Variants in CA12 observed in about 807,000 individuals in gnomAD.
CA12 encodes carbonate dehydratase XII.
A neutral mutation model predicts 46.8 loss-of-function variants in CA12; 36 were observed. The ratio of observed to expected loss-of-function variants is 0.77; its 90% CI spans 0.59 to 1.02. The LOEUF (loss-of-function observed/expected upper bound fraction) is 1.02. Among genes scored for constraint, CA12 ranks in the 50% least tolerant of loss-of-function variants. The pLI, the probability that CA12 is intolerant of heterozygous loss-of-function variation, is 0.00. For missense variants in CA12, 436 were observed against 451.4 expected, an observed-to-expected ratio of 0.97 and a Z score of 0.31; for synonymous variants, 202 against 187.0, an observed-to-expected ratio of 1.08 and a Z score of -0.65.
intron 4 of CA12, among the ~76,000 whole-genome samples, chr15:63,344,839 G>A (rs140187743): frequency 3.9e-5 from 6 of 152,130 alleles, no homozygotes; most frequent in East Asian, 1.9e-4. Flanking sequence ...TGCTCTGCCC[G>A]TCTTCTAATT....
At chr15:63,336,238 T>C (rs2152613390) in intron 8 of CA12, among the ~76,000 whole-genome samples, 1 of 152,296 alleles carries the variant, frequency 6.6e-6, no homozygotes, top group South Asian at 2.1e-4. Flanking sequence ...CTATCCAGAC[T>C]GGGAGAATCT....
intron 2 of CA12, among the ~76,000 whole-genome samples, chr15:63,363,227 G>C (rs1355437435): frequency 6.6e-6 from 1 of 152,100 alleles, no homozygotes; most frequent in East Asian, 1.9e-4. Context: ...TTTCCTACAT[G>C]TCTCCTTTTA....
At chr15:63,361,779 G>T (rs1049981643) in intron 2 of CA12, among the ~76,000 whole-genome samples, 7 of 152,104 alleles carry the variant, frequency 4.6e-5, no homozygotes, top group African/African-American at 1.7e-4. Flanking sequence ...ACAGCATGAT[G>T]GCAGCACCTC....
chr15:63,326,443 G>A (rs757924504), intron 10 of CA12, 86 bp from the exon 11 acceptor site: 62 of 1,050,610 alleles, frequency 5.9e-5, no homozygotes, highest in Admixed American at 2.2e-4. Flanking sequence ...GAATGAGGCC[G>A]TTTTTAAAAG....
chr15:63,338,387 G>A (rs1290224765), intron 8 of CA12, among the ~76,000 whole-genome samples: 1 of 152,200 alleles, frequency 6.6e-6, no homozygotes, highest in African/African-American at 2.4e-5. Flanking sequence ...GGTGGTGCAT[G>A]AATCACCTGG....
rs747884567 is a variant in CA12, at chr15:63,328,115, G to T, written c.890C>A (p.Ala297Glu). 3 of 1,613,934 alleles carry T rather than the reference G, an allele frequency of 1.9e-6. No individual in the cohort carries two copies. The highest frequency in any genetic ancestry group is 1.7e-6 in the Non-Finnish European group (2 of 1,179,860). ...TSFSQVQVCT[A>E]AGLSLGIILS... is the part of the protein sequence containing the mutation. ...CCACATACCCAGACTCAGTCCTGCCGCAGTACAGACTTGCACTTAAAAGGG... is the reference window on the plus strand; with the variant it reads ...CCACATACCCAGACTCAGTCCTGCCTCAGTACAGACTTGCACTTAAAAGGG... The change falls in exon 9 of 11, where the codon GCG becomes GAG. Residue 297 changes from alanine (A) to glutamate (E), a missense_variant. Transcript: ENST00000178638. The surrounding 1 kb of genome is among the most constrained non-coding windows in gnomAD (Gnocchi z 5.9).
chr15:63,357,394 A>G (rs1002481099), intron 2 of CA12, among the ~76,000 whole-genome samples: 1 of 152,194 alleles, frequency 6.6e-6, no homozygotes, highest in African/African-American at 2.4e-5. Flanking sequence ...GCCCAGAGCC[A>G]TATTTCTCAA....
chr15:63,347,836 G>A (rs1326788367), intron 2 of CA12, among the ~76,000 whole-genome samples: 1 of 152,094 alleles, frequency 6.6e-6, no homozygotes, highest in Non-Finnish European at 1.5e-5. Flanking sequence ...TTGCCATCTG[G>A]GGGTCCGTTC....
intron 4 of CA12, among the ~76,000 whole-genome samples, chr15:63,344,779 A>G (rs2039124212): frequency 6.6e-6 from 1 of 152,166 alleles, no homozygotes. Context: ...AAAATGGAGC[A>G]TCTCAACCCC....
At position 63,348,430 on chromosome 15, in the gene CA12, A is replaced by G. The variant is rs866467281; in HGVS notation, c.107-1721T>C. Among the ~76,000 whole-genome samples, 2 of 152,316 alleles carry G rather than the reference A, an allele frequency of 1.3e-5. No individual in the cohort carries two copies. The highest frequency in any genetic ancestry group is 6.8e-3 in the Middle Eastern group (2 of 294). ...AGCTGGGGGCCAAACCGAATGCTTT[A>G]GGGGCAGCGGGGAGCAGAATGAAGC... On this transcript the variant is annotated intron_variant, in intron 2 of 10. Transcript: ENST00000178638. This position sits in a 1 kb window ranked among gnomAD's most constrained non-coding sequence, Gnocchi z 4.6.
At chr15:63,346,425 C>CA in intron 3 of CA12, 105 bp downstream of exon 3, 2 of 906,470 alleles carry the variant, frequency 2.2e-6, no homozygotes, top group Non-Finnish European at 3.5e-6. Flanking sequence ...ACCCCTCCTC[C>CA]TGGATGCTTC....
intron 2 of CA12, among the ~76,000 whole-genome samples, chr15:63,352,019 TG>T (rs2039238982): frequency 6.6e-6 from 1 of 152,152 alleles, no homozygotes; most frequent in Non-Finnish European, 1.5e-5. Flanking sequence ...GTGGTGGTTA[TG>T]GTAAGGTGAG....
At chr15:63,380,299 G>C (rs2039629089) in intron 1 of CA12, among the ~76,000 whole-genome samples, 1 of 152,056 alleles carries the variant, frequency 6.6e-6, no homozygotes, top group Non-Finnish European at 1.5e-5. Flanking sequence ...GGGAAAGTAG[G>C]GAAGAAAGGA....
chr15:63,353,395 G>A (rs2039258150), intron 2 of CA12, among the ~76,000 whole-genome samples: 1 of 152,210 alleles, frequency 6.6e-6, no homozygotes. Context: ...GTATATTCTA[G>A]GGATGTGTGA....
intron 2 of CA12, among the ~76,000 whole-genome samples, chr15:63,357,315 G>A (rs1416457934): frequency 6.6e-6 from 1 of 152,174 alleles, no homozygotes; most frequent in Non-Finnish European, 1.5e-5. Context: ...CCTAGCATCT[G>A]CATTTCTAAC....
At chr15:63,360,102 A>G (rs2039342573) in intron 2 of CA12, among the ~76,000 whole-genome samples, 1 of 152,216 alleles carries the variant, frequency 6.6e-6, no homozygotes, top group Admixed American at 6.5e-5. Flanking sequence ...AGTTTCATGG[A>G]TATCGGCAGA....
intron 4 of CA12, among the ~76,000 whole-genome samples, chr15:63,343,279 C>CTTTTTT (rs35290345): frequency 0.03 from 2,973 of 98,622 alleles, 179 homozygotes; most frequent in Non-Finnish European, 0.039. Flanking sequence ...TAGAAAGAAT[C>CTTTTTT]TTTTTTTTTT....
chr15:63,346,635 G>A lies in CA12; in HGVS notation c.181C>T (p.His61Tyr), dbSNP rs2039153413. ...GCGTCATACTGGAGGATGTCACTGT[G>A]CAGGTCTATGGGGGACTGCAGCAGG... ...GGLLQSPIDL[H>Y]SDILQYDASL... The change falls in exon 3 of 11, where the codon CAC (histidine) becomes TAC (tyrosine). Residue 61 changes from histidine (H) to tyrosine (Y), a missense_variant. Transcript: ENST00000178638. The A allele has an allele frequency of 6.2e-7, 1 of 1,613,408 alleles. No individual in the cohort carries two copies. The highest frequency in any genetic ancestry group is 1.1e-5 in the South Asian group (1 of 91,034).
Position 63,378,606 on chromosome 15 carries a change from A to G in CA12, c.86-2928T>C, listed in dbSNP as rs892288121. On this transcript the variant is annotated intron_variant, in intron 1 of 10. Coordinates refer to ENST00000178638, the MANE Select transcript of CA12 (RefSeq NM_001218.5). The surrounding 1 kb of genome is among the most constrained non-coding windows in gnomAD (Gnocchi z 4.8). ...TGCTCACCCCTTTGCTGAAACAACA[A>G]TGAAAAAAAATAAAGAAAGCATTGC... 3 of 151,360 alleles carry G rather than the reference A, an allele frequency of 2.0e-5. No homozygotes were observed. The highest frequency in any genetic ancestry group is 2.9e-5 in the Non-Finnish European group (2 of 67,800). The allele number at this position is 151,360 out of a possible 1,614,324, so 9.4% of individuals were successfully genotyped here.
Sources: gnomAD v4.1 joint callset for allele counts (sites outside exome capture counted in the v4.1 genomes callset) on GRCh38, gnomAD v4.1.1 for gene constraint, Gnocchi (gnomAD v3.1) non-coding constraint, MANE v1.5 for transcripts, NCBI Gene and HGNC (gene_info 2026-07-23, HGNC 2026-07-21) for gene names.